Variants in NCLN observed in about 807,000 individuals in gnomAD.
NCLN encodes nicalin.
In NCLN, 34 loss-of-function variants were observed where a neutral mutation model predicts 69.5. The observed-to-expected ratio is 0.49, with a 90% confidence interval of 0.37 to 0.65. NCLN has a LOEUF of 0.65. Ranked by LOEUF, NCLN falls within the 30% of genes least tolerant of loss-of-function variation. The pLI, the probability that NCLN is intolerant of heterozygous loss-of-function variation, is 0.00. For synonymous variants in NCLN, 393 were observed against 358.3 expected (o/e 1.10, Z -1.09); for missense variants, 710 against 804.8 (o/e 0.88, Z 1.42).
chr19:3,187,465 G>T (rs1274105803), intron 1 of NCLN, among the ~76,000 whole-genome samples: 1 of 152,204 alleles, frequency 6.6e-6, no homozygotes. Flanking sequence ...GGCTCAACCT[G>T]AGGCGCGGGG....
In NCLN at chr19:3,198,902, G is replaced by A; in HGVS notation, c.696+5G>A. On this transcript the variant is annotated splice_donor_5th_base_variant and intron_variant, in intron 5 of 14. Transcript: ENST00000246117. The stretch of plus-strand genomic sequence containing the variant: ...GACGCCTTTGGAGTGGCCCCCGTAC[G>A]TATGTGTGTCCCCATTCCCCCCACC... 1 of 1,470,218 alleles carries A rather than the reference G, an allele frequency of 6.8e-7. No homozygotes were observed. The highest frequency in any genetic ancestry group is 9.1e-7 in the Non-Finnish European group (1 of 1,103,292). The allele number at this position is 1,470,218 out of a possible 1,614,324, so 91.1% of individuals were successfully genotyped here.
chr19:3,201,965 C>T (rs959076518), intron 6 of NCLN, among the ~76,000 whole-genome samples: 2 of 152,122 alleles, frequency 1.3e-5, no homozygotes, highest in Non-Finnish European at 2.9e-5. Flanking sequence ...GGGTGGGGGC[C>T]GTCCTGGGCA....
chr19:3,201,577 C>G lies in NCLN; in HGVS notation c.751C>G (p.Leu251Val). 6.4e-7 allele frequency: 1 copy of G among 1,558,570 alleles called. No homozygotes were observed. Residue 251 changes from leucine to valine, a missense_variant, in exon 6 of 15, where the codon CTG becomes GTG. Coordinates refer to ENST00000246117, the MANE Select transcript of NCLN (RefSeq NM_020170.4). ...GAGCGGCGTCTCTGTGCTGCTGGAG[C>G]TGGCACGCCTCTTCTCCCGGCTCTA... ...NGSGVSVLLELARLFSRLYTY... is the reference protein window; with the variant it reads ...NGSGVSVLLEVARLFSRLYTY...
At chr19:3,193,903 C>T (rs558741460) in intron 3 of NCLN, among the ~76,000 whole-genome samples, 7 of 152,218 alleles carry the variant, frequency 4.6e-5, no homozygotes, top group Non-Finnish European at 7.3e-5. Flanking sequence ...AGCAGGAACC[C>T]GGAGCTCTGT....
At chr19:3,195,470 C>T (rs1459474962) in intron 3 of NCLN, among the ~76,000 whole-genome samples, 4 of 152,052 alleles carry the variant, frequency 2.6e-5, no homozygotes, top group South Asian at 4.1e-4. Flanking sequence ...AGGAGGGTCT[C>T]GATCTCCTGA....
chr19:3,204,778 C>T (rs754115929), intron 9 of NCLN, 27 bp downstream of exon 9: 42 of 1,419,554 alleles, frequency 3.0e-5, no homozygotes, highest in Non-Finnish European at 3.8e-5. Context: ...CTGCCCGGCC[C>T]CTCCTAGGGC....
chr19:3,199,691 T>C (rs995619016), intron 5 of NCLN, among the ~76,000 whole-genome samples: 7 of 82,704 alleles, frequency 8.5e-5, no homozygotes, highest in African/African-American at 5.9e-5. Flanking sequence ...GCCTCCTCCT[T>C]TTTTTTTTTT....
At chr19:3,189,892 C>A (rs113843334) in intron 1 of NCLN, among the ~76,000 whole-genome samples, 49 of 152,220 alleles carry the variant, frequency 3.2e-4, no homozygotes, top group African/African-American at 9.2e-4. Context: ...GGCGGGGCTC[C>A]GATGGGCGGG....
chr19:3,197,443 G>A lies in NCLN; in HGVS notation c.615+1166G>A, dbSNP rs554378463. Among the ~76,000 whole-genome samples the A allele has an allele frequency of 6.4e-4, 98 of 152,272 alleles. 1 individual carries two copies. Among genetic ancestry groups the A allele is most frequent in the Admixed American group, 5.2e-4 (8 of 15,294 alleles). ...GCTTTTGTAAATAAAGTTTTTGCTTGTTTGTTTTTGTTTTTTGAGACAGAG... is the reference window on the plus strand; with the variant it reads ...GCTTTTGTAAATAAAGTTTTTGCTTATTTGTTTTTGTTTTTTGAGACAGAG... On this transcript the variant is annotated intron_variant, in intron 4 of 14. Transcript: ENST00000246117.
At position 3,186,198 on chromosome 19, in the gene NCLN, G is replaced by T. The variant is rs969747483; in HGVS notation, c.168G>T (p.Leu56=). 1 of 1,565,566 alleles carries T rather than the reference G, an allele frequency of 6.4e-7. No homozygotes were observed. Among genetic ancestry groups the T allele is most frequent in the East Asian group, 2.5e-5 (1 of 39,278 alleles). The stretch of plus-strand genomic sequence containing the variant: ...TGTACCGCATGCAGCAGTACGACCT[G>T]CAGGGCCAGCCCTACGGTGCGTGTC... ...FTVYRMQQYD[L]QGQPYGTRNA... The change falls in exon 1 of 15, where the codon CTG becomes CTT. Residue 56 remains leucine (L), a synonymous_variant. Coordinates refer to ENST00000246117, the MANE Select transcript of NCLN (RefSeq NM_020170.4).
Position 3,201,538 on chromosome 19 carries a change from G to C in NCLN, c.712G>C (p.Ala238Pro). 1 of 1,560,102 alleles carries C rather than the reference G, an allele frequency of 6.4e-7. No homozygotes were observed. Among genetic ancestry groups the C allele is most frequent in the Non-Finnish European group, 8.6e-7 (1 of 1,159,320 alleles). ...FGVAPWLSLG[A>P]DSNGSGVSVL... Reference sequence around the variant, plus strand: ...GTCCCTGTAGTGGCTGTCGCTGGGCGCGGACTCCAACGGGAGCGGCGTCTC... The same window carrying C: ...GTCCCTGTAGTGGCTGTCGCTGGGCCCGGACTCCAACGGGAGCGGCGTCTC... Residue 238 changes from alanine (A) to proline (P), a missense_variant, in exon 6 of 15, where the codon GCG becomes CCG. Physicochemically the swap from Ala to Pro is conservative, Grantham distance 27 (BLOSUM62 -1). Transcript: ENST00000246117.
intron 5 of NCLN, among the ~76,000 whole-genome samples, chr19:3,199,383 A>G (rs1916062623): frequency 6.6e-6 from 1 of 152,258 alleles, no homozygotes; most frequent in South Asian, 2.1e-4. Context: ...AGCCCAAAGC[A>G]CTGTCACCAG....
At position 3,192,448 on chromosome 19, in the gene NCLN, G is replaced by A. The variant is rs145034390; in HGVS notation, c.185-22G>A. 67 of 1,555,854 alleles carry A rather than the reference G, an allele frequency of 4.3e-5. No homozygotes were observed. The East Asian group carries it at 1.1e-3, about 27-fold the overall frequency. ...GGCCTGGCCACCCGCCGAGGCTCAC[G>A]ACCCCGCCCCTGTGCCCACAGGCAC... is the stretch of plus-strand genomic sequence containing the variant. On this transcript the variant is annotated intron_variant, in intron 1 of 14. Coordinates refer to ENST00000246117, the MANE Select transcript of NCLN (RefSeq NM_020170.4).
At chr19:3,204,258 G>A in intron 8 of NCLN, 114 bp downstream of exon 8, 1 of 1,291,644 alleles carries the variant, frequency 7.7e-7, no homozygotes, top group Non-Finnish European at 1.0e-6. Context: ...GGCTCTGAGG[G>A]CCACACTGTG....
chr19:3,202,028 G>A lies in NCLN; in HGVS notation c.800+402G>A, dbSNP rs143074900. Among the ~76,000 whole-genome samples the A allele has an allele frequency of 4.7e-4, 71 of 152,244 alleles. 2 individuals carry two copies. Among genetic ancestry groups the A allele is most frequent in the African/African-American group, 1.6e-3 (67 of 41,538 alleles). ...CCCACTCACTCCATGCCAGGAACAC[G>A]CCATAGTCATGATAGCCACAGGTGC... is the stretch of plus-strand genomic sequence containing the variant. On this transcript the variant is annotated intron_variant, in intron 6 of 14. Transcript: ENST00000246117.
chr19:3,198,322 T>C (rs1345392668), intron 4 of NCLN, among the ~76,000 whole-genome samples: 1 of 151,760 alleles, frequency 6.6e-6, no homozygotes, highest in Non-Finnish European at 1.5e-5. Context: ...CTGGCTAACA[T>C]GATGAAACCC....
chr19:3,190,003 T>C (rs776339853), intron 1 of NCLN, among the ~76,000 whole-genome samples: 2 of 152,216 alleles, frequency 1.3e-5, no homozygotes, highest in Non-Finnish European at 2.9e-5. Context: ...CCCTCCTCGC[T>C]CACTCCCTAT....
intron 3 of NCLN, among the ~76,000 whole-genome samples, chr19:3,195,596 A>T (rs1915935174): frequency 6.6e-6 from 1 of 151,890 alleles, no homozygotes; most frequent in African/African-American, 2.4e-5. Context: ...TTTTTATTTT[A>T]TTCTTTCTTA....
Position 3,207,207 on chromosome 19 carries a change from G to C in NCLN, c.1509G>C (p.Glu503Asp), listed in dbSNP as rs1916292844. The C allele has an allele frequency of 1.2e-6, 2 of 1,613,670 alleles. No homozygotes were observed. Among genetic ancestry groups the C allele is most frequent in the African/African-American group, 2.7e-5 (2 of 74,942 alleles). Residue 503 changes from glutamate (E) to aspartate (D), a missense_variant, in exon 13 of 15, where the codon GAG (glutamate) becomes GAC (aspartate). By Grantham distance (45) the Glu-to-Asp change is conservative (BLOSUM62 2). Transcript: ENST00000246117. ...HHVKADKRDP[E>D]FVFYDQLKQV... ...AGTGCTCTCTCCCCAGGGACCCAGAGTTTGTCTTCTACGACCAGCTGAAGC... is the reference window on the plus strand; with the variant it reads ...AGTGCTCTCTCCCCAGGGACCCAGACTTTGTCTTCTACGACCAGCTGAAGC...
Sources: gnomAD v4.1 joint callset for allele counts (sites outside exome capture counted in the v4.1 genomes callset) on GRCh38, gnomAD v4.1.1 for gene constraint, MANE v1.5 for transcripts, NCBI Gene and HGNC (gene_info 2026-07-23, HGNC 2026-07-21) for gene names.